Variants in PCDH15 observed in about 807,000 individuals in gnomAD.
PCDH15 encodes protocadherin-15.
A neutral mutation model predicts 178.5 loss-of-function variants in PCDH15; 129 were observed. That is an observed-to-expected ratio of 0.72 (90% CI 0.63 to 0.84). PCDH15 has a LOEUF of 0.84. Among genes scored for constraint, PCDH15 ranks in the 40% least tolerant of loss-of-function variants. The pLI is 0.00. For synonymous variants in PCDH15, 800 were observed against 732.0 expected, an observed-to-expected ratio of 1.09 and a Z score of -1.50; for missense variants, 2,230 against 2,099.9, an observed-to-expected ratio of 1.06 and a Z score of -1.21.
chr10:53,878,917 A>C (rs1463967405), intron 26 of PCDH15, among the ~76,000 whole-genome samples: 1 of 152,166 alleles, frequency 6.6e-6, no homozygotes, highest in African/African-American at 2.4e-5. Flanking sequence ...TTTGCTCCTC[A>C]TTTGTAAAAT....
chr10:55,540,174 A>T (rs1841725904), intron 2 of PCDH15, among the ~76,000 whole-genome samples: 2 of 152,232 alleles, frequency 1.3e-5, no homozygotes, highest in South Asian at 4.1e-4. Context: ...GTGTGAGTAG[A>T]CTACCTTCTG....
chr10:54,545,130 G>A (rs1254233201), intron 2 of PCDH15, among the ~76,000 whole-genome samples: 3 of 152,148 alleles, frequency 2.0e-5, no homozygotes, highest in Non-Finnish European at 4.4e-5. Context: ...CCTGGCTAAA[G>A]GAAGGCATGT....
At chr10:54,790,794 A>G (rs1486780616) in intron 1 of PCDH15, among the ~76,000 whole-genome samples, 1 of 151,996 alleles carries the variant, frequency 6.6e-6, no homozygotes, top group Non-Finnish European at 1.5e-5. Flanking sequence ...ATAAAACCTG[A>G]AACCCTAAAA....
intron 2 of PCDH15, among the ~76,000 whole-genome samples, chr10:54,928,912 TA>T (rs1334966293): frequency 1.3e-5 from 2 of 152,180 alleles, no homozygotes; most frequent in Non-Finnish European, 2.9e-5. Context: ...ATCCATATTG[TA>T]AATTCTACTT....
At chr10:55,430,050 G>A (rs751812772) in intron 2 of PCDH15, among the ~76,000 whole-genome samples, 2 of 152,128 alleles carry the variant, frequency 1.3e-5, no homozygotes, top group Non-Finnish European at 2.9e-5. Context: ...TTATAGGTAT[G>A]TAATATAGGT....
chr10:55,436,681 G>A (rs548924423), intron 2 of PCDH15, among the ~76,000 whole-genome samples: 5 of 152,104 alleles, frequency 3.3e-5, no homozygotes, highest in South Asian at 4.2e-4. Context: ...TAAATCTACC[G>A]ATATTAATTG....
At chr10:53,949,946 T>C (rs924119057) in intron 23 of PCDH15, among the ~76,000 whole-genome samples, 11 of 152,316 alleles carry the variant, frequency 7.2e-5, no homozygotes, top group Non-Finnish European at 8.8e-5. Context: ...TTGTTAAATA[T>C]ACTCTAATTT....
chr10:54,624,950 A>G (rs1345547017), intron 2 of PCDH15, among the ~76,000 whole-genome samples: 1 of 152,190 alleles, frequency 6.6e-6, no homozygotes, highest in Non-Finnish European at 1.5e-5. Flanking sequence ...ATTTCATTAC[A>G]TATTACAATG....
At chr10:54,518,912 C>G (rs1442080679) in intron 3 of PCDH15, among the ~76,000 whole-genome samples, 1 of 152,086 alleles carries the variant, frequency 6.6e-6, no homozygotes, top group Non-Finnish European at 1.5e-5. Flanking sequence ...TCAATATATG[C>G]AAATCAATAA....
chr10:54,186,126 G>A (rs904631697), intron 11 of PCDH15, among the ~76,000 whole-genome samples: 1 of 151,990 alleles, frequency 6.6e-6, no homozygotes, highest in South Asian at 2.1e-4. Context: ...GGCAGGTGGA[G>A]CGAAGAAAAA....
At chr10:54,930,774 T>G (rs1034669984) in intron 2 of PCDH15, among the ~76,000 whole-genome samples, 5 of 152,172 alleles carry the variant, frequency 3.3e-5, no homozygotes, top group African/African-American at 7.2e-5. Context: ...CCTCTTTGCA[T>G]TCCAAATAAC....
chr10:55,253,469 T>C (rs1272058540), intron 1 of PCDH15, among the ~76,000 whole-genome samples: 1 of 152,212 alleles, frequency 6.6e-6, no homozygotes, highest in Non-Finnish European at 1.5e-5. Context: ...TTAATTTGTA[T>C]TGAATTACTA....
intron 8 of PCDH15, among the ~76,000 whole-genome samples, chr10:54,279,669 A>C (rs1041529468): frequency 7.3e-5 from 11 of 151,612 alleles, no homozygotes; most frequent in Non-Finnish European, 1.5e-5. Context: ...ATTTTCACTC[A>C]CTTTCCCATT....
chr10:55,207,706 C>A lies in PCDH15; in HGVS notation c.-155-41055G>T, dbSNP rs552952323. Among the ~76,000 whole-genome samples the A allele has an allele frequency of 5.3e-4, 80 of 152,224 alleles. 3 individuals carry two copies. The South Asian group carries it at 0.016, about 30-fold the overall frequency. Reference sequence around the variant, plus strand: ...CATACAGGCTGGATGCCATGGCTTACGCCTGTAGTCCCAGCACTTGGGAGG... The same window carrying A: ...CATACAGGCTGGATGCCATGGCTTAAGCCTGTAGTCCCAGCACTTGGGAGG... On this transcript the variant is annotated intron_variant, in intron 1 of 5. Transcript: ENST00000458638.
rs114465382 is a variant in PCDH15 at position 54,202,501 on chromosome 10, T to C, written c.1099-6612A>G. Among the ~76,000 whole-genome samples, 921 of 152,128 alleles carry C rather than the reference T, an allele frequency of 6.1e-3. 9 individuals carry two copies. The highest frequency in any genetic ancestry group is 0.018 in the African/African-American group (756 of 41,492). On this transcript the variant is annotated intron_variant, in intron 10 of 37. Transcript: ENST00000644397. ...AACTCTGATGTACCTAAGAATAGAA[T>C]GGAAGGCCTAATAAAAAGCAGATTC...
chr10:55,187,701 T>A (rs1446113695), intron 1 of PCDH15, among the ~76,000 whole-genome samples: 1 of 151,992 alleles, frequency 6.6e-6, no homozygotes, highest in Non-Finnish European at 1.5e-5. Context: ...AGCCAATATT[T>A]TATTTTTTAG....
chr10:55,556,621 C>T (rs949771049), intron 2 of PCDH15, among the ~76,000 whole-genome samples: 3 of 151,830 alleles, frequency 2.0e-5, no homozygotes, highest in Non-Finnish European at 2.9e-5. Context: ...ACTTAAGGTC[C>T]GGAGTTTGAG....
intron 2 of PCDH15, among the ~76,000 whole-genome samples, chr10:55,497,152 C>T (rs982065656): frequency 9.2e-5 from 14 of 151,762 alleles, no homozygotes; most frequent in African/African-American, 3.1e-4. Flanking sequence ...TTCTTTGAGA[C>T]AGCATCTTGC....
chr10:54,528,499 T>A, intron 2 of PCDH15: 1 of 925,808 alleles, frequency 1.1e-6, no homozygotes, highest in Non-Finnish European at 1.6e-6. Context: ...GTGAGAGATT[T>A]AAGGATATAA....
Sources: allele counts gnomAD v4.1 joint callset (sites outside exome capture counted in the v4.1 genomes callset), GRCh38; gene constraint gnomAD v4.1.1; transcripts MANE v1.5; gene names NCBI Gene and HGNC (gene_info 2026-07-23, HGNC 2026-07-21).